Variants in TCF7 observed in about 807,000 individuals in gnomAD.
TCF7 encodes the protein transcription factor 7.
In TCF7, 19 loss-of-function variants were observed where a neutral mutation model predicts 46.8. That is an observed-to-expected ratio of 0.41 (90% CI 0.28 to 0.60). TCF7 has a LOEUF of 0.60. TCF7 is among the 20% of genes least tolerant of loss of function. The pLI, the probability that TCF7 is intolerant of heterozygous loss-of-function variation, is 0.35. For synonymous variants in TCF7, 245 were observed against 213.4 expected, an observed-to-expected ratio of 1.15 and a Z score of -1.29; for missense variants, 547 against 504.6, an observed-to-expected ratio of 1.08 and a Z score of -0.81.
intron 9 of TCF7, 48 bp from the exon 10 acceptor site, chr5:134,146,176 C>T: frequency 6.2e-7 from 1 of 1,614,086 alleles, no homozygotes; most frequent in Middle Eastern, 1.7e-4. Context: ...TGGTGTATGA[C>T]TATGAATTCA....
chr5:134,141,211 C>T (rs1759705353), intron 5 of TCF7: 1 of 159,114 alleles, frequency 6.3e-6, no homozygotes, highest in Non-Finnish European at 1.4e-5. Context: ...CTGGGCATCC[C>T]CTGAGCTTTG....
chr5:134,144,980 T>C (rs2149360775), intron 9 of TCF7: 1 of 945,552 alleles, frequency 1.1e-6, no homozygotes, highest in South Asian at 1.4e-5. Context: ...CCCACTAGCA[T>C]ACTCAGCAGA....
intron 5 of TCF7, among the ~76,000 whole-genome samples, chr5:134,140,384 G>C (rs1284929447): frequency 6.6e-6 from 1 of 152,206 alleles, no homozygotes; most frequent in Non-Finnish European, 1.5e-5. Flanking sequence ...ATCCAGCTTG[G>C]AATCTCAGGG....
chr5:134,139,947 A>AG (rs1759489542), intron 5 of TCF7: 1 of 152,252 alleles, frequency 6.6e-6, no homozygotes, highest in Non-Finnish European at 1.5e-5. Context: ...GATGCTCAAG[A>AG]GCCCAGCCTT....
chr5:134,143,907 A>G, intron 9 of TCF7: 1 of 448,700 alleles, frequency 2.2e-6, no homozygotes, highest in Non-Finnish European at 4.0e-6. Context: ...TGCACCCACT[A>G]CCTTTGCTAG....
intron 3 of TCF7, among the ~76,000 whole-genome samples, chr5:134,129,141 C>G (rs1285938798): frequency 6.6e-6 from 1 of 152,196 alleles, no homozygotes; most frequent in Non-Finnish European, 1.5e-5. Context: ...CTGTGCTTCA[C>G]TTTCCTCGTC....
chr5:134,133,938 T>C (rs1758501531), intron 3 of TCF7, among the ~76,000 whole-genome samples: 1 of 152,118 alleles, frequency 6.6e-6, no homozygotes, highest in Non-Finnish European at 1.5e-5. Context: ...CTTTTGGAGG[T>C]TTCCTAGGCC....
intron 5 of TCF7, among the ~76,000 whole-genome samples, chr5:134,140,197 C>T (rs1289773204): frequency 2.6e-5 from 4 of 152,138 alleles, no homozygotes; most frequent in Non-Finnish European, 5.9e-5. Flanking sequence ...TATTGTGTGC[C>T]GGGCAGGGTT....
At chr5:134,120,340 A>G (rs1756395337) in intron 3 of TCF7, among the ~76,000 whole-genome samples, 1 of 152,114 alleles carries the variant, frequency 6.6e-6, no homozygotes, top group Non-Finnish European at 1.5e-5. Context: ...TAGCAGCCAC[A>G]GGGGGCCTTT....
At position 134,115,359 on chromosome 5, in the gene TCF7, G is replaced by T; in HGVS notation, c.288G>T (p.Pro96=). 6.2e-7 allele frequency: 1 copy of T among 1,601,520 alleles called. No individual in the cohort carries two copies. The highest frequency in any genetic ancestry group is 1.3e-5 in the African/African-American group (1 of 74,606). The change falls in exon 2 of 10, where the codon CCG becomes CCT. Residue 96 remains proline, a synonymous_variant. Coordinates refer to ENST00000342854, the MANE Select transcript of TCF7 (RefSeq NM_003202.5). ...AACACGCTGCGCAGAGACTCTTCCC[G>T]GACAAACTTCCAGAGCCCCTGGAGG... is the stretch of plus-strand genomic sequence containing the variant. ...GREHAAQRLF[P]DKLPEPLEDG... is the part of the protein sequence containing the mutation.
chr5:134,132,402 C>T (rs933835294), intron 3 of TCF7, among the ~76,000 whole-genome samples: 2 of 152,202 alleles, frequency 1.3e-5, no homozygotes, highest in Non-Finnish European at 2.9e-5. Flanking sequence ...GTACCAATAG[C>T]GACCAGCTGA....
At chr5:134,138,923 CCACT>C in intron 4 of TCF7, 24 bp from the exon 5 acceptor site, 1 of 1,612,884 alleles carries the variant, frequency 6.2e-7, no homozygotes, top group Middle Eastern at 1.6e-4. Context: ...TCAGGCTAGC[CCACT>C]CACTCAGCTT....
rs1297017166 is a variant in TCF7 at position 134,138,122 on chromosome 5, C to G, written c.505C>G (p.Pro169Ala). ...CTCTCTCTACGAACATTTCAACAGCCCACATCCCACCCCTGCACCTGCGGA... is the reference window on the plus strand; with the variant it reads ...CTCTCTCTACGAACATTTCAACAGCGCACATCCCACCCCTGCACCTGCGGA... ...QLSLYEHFNS[P>A]HPTPAPADIS... Residue 169 changes from proline to alanine, a missense_variant, in exon 4 of 10, where the codon CCA (proline) becomes GCA (alanine). This residue lies in a region of TCF7 where 425 missense variants were observed against 349.9 expected (regional missense o/e 1.21). Coordinates refer to ENST00000342854, the MANE Select transcript of TCF7 (RefSeq NM_003202.5). The G allele has an allele frequency of 2.5e-5, 41 of 1,613,436 alleles. No individual in the cohort carries two copies. Among genetic ancestry groups the G allele is most frequent in the Non-Finnish European group, 3.5e-5 (41 of 1,179,760 alleles).
Position 134,122,944 on chromosome 5 carries a change from T to C in TCF7, c.441+6911T>C, listed in dbSNP as rs146318523. Among the ~76,000 whole-genome samples, 388 of 152,206 alleles carry C rather than the reference T, an allele frequency of 2.5e-3. 3 individuals are homozygous for C. The highest frequency in any genetic ancestry group is 9.1e-3 in the African/African-American group (376 of 41,534). ...GAGGGAAGGCGTTGAGTCTGCACGA[T>C]GCACCCTCTGACACTGTATCTGCCA... On this transcript the variant is annotated intron_variant, in intron 3 of 9. Transcript: ENST00000342854.
chr5:134,145,269 C>CTG, intron 9 of TCF7: 1 of 544,526 alleles, frequency 1.8e-6, no homozygotes, highest in South Asian at 1.4e-5. Flanking sequence ...GATGGGATCC[C>CTG]TGCCTGTACC....
intron 3 of TCF7, among the ~76,000 whole-genome samples, chr5:134,127,802 C>T (rs1442598934): frequency 6.6e-6 from 1 of 152,228 alleles, no homozygotes; most frequent in Non-Finnish European, 1.5e-5. Flanking sequence ...AGGCAGTGGT[C>T]CAGAGGAAAT....
chr5:134,142,981 T>TC lies in TCF7; in HGVS notation c.919-9dup. ...CCTGATGCACCCCACCTGCCCCTCT[T>TC]CCCTGTTGCAGTGGCACGCGCTGTC... On this transcript the variant is annotated splice_polypyrimidine_tract_variant and intron_variant, in intron 7 of 9. Transcript: ENST00000342854. The TC allele has an allele frequency of 6.2e-7, 1 of 1,613,858 alleles. No individual in the cohort carries two copies. Among genetic ancestry groups the TC allele is most frequent in the Non-Finnish European group, 8.5e-7 (1 of 1,179,804 alleles).
chr5:134,137,298 C>T (rs1027599652), intron 3 of TCF7, among the ~76,000 whole-genome samples: 3 of 151,966 alleles, frequency 2.0e-5, no homozygotes, highest in African/African-American at 7.3e-5. Flanking sequence ...GTGGCGGGTG[C>T]CTGTAATTCC....
At chr5:134,112,615 AGATG>A (rs1755342863), upstream of TCF7, among the ~76,000 whole-genome samples, 1 of 152,208 alleles carries the variant, frequency 6.6e-6, no homozygotes, top group Admixed American at 6.5e-5. Context: ...GGGAGTTAAC[AGATG>A]GGGAAAAAAA....
Sources: allele counts gnomAD v4.1 joint callset (sites outside exome capture counted in the v4.1 genomes callset), GRCh38; gene constraint gnomAD v4.1.1; regional missense constraint gnomAD v4.1.1; transcripts MANE v1.5; gene names NCBI Gene and HGNC (gene_info 2026-07-23, HGNC 2026-07-21).